The following ZNF292 variants were observed in gnomAD, a reference collection of about 807,000 sequenced individuals.
ZNF292 encodes zinc finger protein 292.
In ZNF292, 26 loss-of-function variants were observed where a neutral mutation model predicts 217.9. That is an observed-to-expected ratio of 0.12 (90% CI 0.09 to 0.17). The LOEUF (loss-of-function observed/expected upper bound fraction) is 0.17, where lower values mean the gene tolerates loss of function less well. Among genes scored for constraint, ZNF292 ranks in the 10% least tolerant of loss-of-function variants. ZNF292 has a pLI of 1.00. For synonymous variants in ZNF292, 1,257 were observed against 1,124.1 expected, an observed-to-expected ratio of 1.12 and a Z score of -2.37; for missense variants, 2,904 against 3,175.2, an observed-to-expected ratio of 0.91 and a Z score of 2.05.
chr6:87,187,411 A>G (rs534294063), intron 1 of ZNF292, among the ~76,000 whole-genome samples: 1 of 128,176 alleles, frequency 7.8e-6, no homozygotes, highest in Non-Finnish European at 1.7e-5. Flanking sequence ...GAATGAACCC[A>G]CTCTGTGGTC....
In ZNF292 at chr6:87,265,010, A is replaced by G. The variant is rs960556943; in HGVS notation, c.*3209A>G. ...AATGTCTAAGGCAGCCTGTTTCAGC[A>G]TGTTTATTGTAGTGAGATACTAGGC... On this transcript the variant is annotated 3_prime_UTR_variant, in exon 8 of 8. Transcript: ENST00000369577. Among the ~76,000 whole-genome samples, 45 of 152,178 alleles carry G rather than the reference A, an allele frequency of 3.0e-4. No homozygotes were observed. The highest frequency in any genetic ancestry group is 1.1e-3 in the African/African-American group (45 of 41,446).
chr6:87,224,624 G>C (rs1242545308), intron 4 of ZNF292, among the ~76,000 whole-genome samples: 1 of 151,998 alleles, frequency 6.6e-6, no homozygotes, highest in Non-Finnish European at 1.5e-5. Context: ...ATTCATCCAG[G>C]GCTTTACGTG....
rs138496006 is a variant in ZNF292 at position 87,243,745 on chromosome 6, G to A, written c.878+134G>A. The stretch of plus-strand genomic sequence containing the variant: ...AAAGGCTTATATTTAGATATTACAT[G>A]CTGTGCAAACTTATTATCGAGTAGT... On this transcript the variant is annotated intron_variant, in intron 6 of 7. Coordinates refer to ENST00000369577, the MANE Select transcript of ZNF292 (RefSeq NM_015021.3). 1,052 of 857,464 alleles carry A rather than the reference G, an allele frequency of 1.2e-3. 5 individuals carry two copies. The African/African-American group carries it at 0.017, about 14-fold the overall frequency. 53.1% of individuals were successfully genotyped at this position (857,464 alleles called of 1,614,324 possible).
At chr6:87,199,615 A>G (rs1772051727) in intron 1 of ZNF292, among the ~76,000 whole-genome samples, 1 of 152,204 alleles carries the variant, frequency 6.6e-6, no homozygotes, top group South Asian at 2.1e-4. Context: ...GGTTTTGTGT[A>G]TGATGCAAGG....
chr6:87,259,048 C>G lies in ZNF292; in HGVS notation c.5419C>G (p.Pro1807Ala). Residue 1807 changes from proline to alanine, a missense_variant, in exon 8 of 8, where the codon CCC becomes GCC. Physicochemically the swap from Pro to Ala is conservative, Grantham distance 27. Around this residue, in one of 15 missense-constraint regions of ZNF292, gnomAD observed 622 missense variants for 573.1 expected, o/e 1.09. Coordinates refer to ENST00000369577, the MANE Select transcript of ZNF292 (RefSeq NM_015021.3). ...SVNTVQNNKL[P>A]DSSPFSSFIS... ...AAACACTGTGCAAAATAACAAATTA[C>G]CCGATTCTTCTCCGTTTTCCTCCTT... is the stretch of plus-strand genomic sequence containing the variant. The G allele has an allele frequency of 6.2e-7, 1 of 1,613,412 alleles. No homozygotes were observed. The highest frequency in any genetic ancestry group is 1.1e-5 in the South Asian group (1 of 91,044).
intron 4 of ZNF292, among the ~76,000 whole-genome samples, chr6:87,219,374 TTAAC>T (rs1471555587): frequency 1.3e-5 from 2 of 152,218 alleles, no homozygotes; most frequent in Non-Finnish European, 2.9e-5. Context: ...CCCAAGGTAT[TTAAC>T]TAAAGAAGTA....
chr6:87,160,069 G>T (rs775665982), intron 1 of ZNF292, among the ~76,000 whole-genome samples: 13 of 152,094 alleles, frequency 8.5e-5, no homozygotes, highest in Non-Finnish European at 1.9e-4. Context: ...CATTTCTATT[G>T]AACATCTACT....
chr6:87,197,697 A>C (rs1169465708), intron 1 of ZNF292, among the ~76,000 whole-genome samples: 1 of 139,260 alleles, frequency 7.2e-6, no homozygotes, highest in East Asian at 2.2e-4. Flanking sequence ...CTCCAGCCTG[A>C]GCAACAGAGT....
At chr6:87,240,224 C>T (rs566664785) in intron 5 of ZNF292, among the ~76,000 whole-genome samples, 9 of 151,440 alleles carry the variant, frequency 5.9e-5, no homozygotes, top group Middle Eastern at 3.4e-3. Context: ...TGGCGGCATG[C>T]GCCTGCAATC....
intron 1 of ZNF292, among the ~76,000 whole-genome samples, chr6:87,168,866 A>T (rs1770999745): frequency 6.6e-6 from 1 of 152,108 alleles, no homozygotes; most frequent in Middle Eastern, 3.2e-3. Context: ...GACCCCCCTT[A>T]GATTCCAAAA....
rs1193695164 is a variant in ZNF292 at position 87,262,653 on chromosome 6, C to G, written c.*852C>G. 6.6e-6 allele frequency: 1 copy of G among 151,690 alleles called. No homozygotes were observed. The highest frequency in any genetic ancestry group is 2.4e-5 in the African/African-American group (1 of 41,310). 9.4% of individuals were successfully genotyped at this position (151,690 alleles called of 1,614,324 possible). A position where few individuals can be genotyped will look rare whatever the true frequency, so the allele number is the denominator to read the frequency against. The stretch of plus-strand genomic sequence containing the variant: ...AATCCTTTGTGAATGTGATAGAAAA[C>G]TAGTAGTGTGGAGCAGTGTAAATAT... On this transcript the variant is annotated 3_prime_UTR_variant, in exon 8 of 8. Coordinates refer to ENST00000369577, the MANE Select transcript of ZNF292 (RefSeq NM_015021.3).
At chr6:87,243,051 G>GTGTC (rs1271385579) in intron 5 of ZNF292, among the ~76,000 whole-genome samples, 2 of 151,802 alleles carry the variant, frequency 1.3e-5, no homozygotes, top group Admixed American at 1.3e-4. Context: ...ACCTCTCTGT[G>GTGTC]TGTCTCTGTT....
intron 1 of ZNF292, among the ~76,000 whole-genome samples, chr6:87,215,644 T>C (rs1399052214): frequency 6.6e-6 from 1 of 152,180 alleles, no homozygotes; most frequent in Non-Finnish European, 1.5e-5. Flanking sequence ...AGGAGATAAC[T>C]CTTGCCCTAT....
At chr6:87,179,554 G>A (rs1343227438) in intron 1 of ZNF292, among the ~76,000 whole-genome samples, 1 of 152,040 alleles carries the variant, frequency 6.6e-6, no homozygotes, top group Admixed American at 6.6e-5. Flanking sequence ...TTTTAATTGG[G>A]TACCTTACCA....
intron 1 of ZNF292, among the ~76,000 whole-genome samples, chr6:87,178,354 G>A (rs1374222506): frequency 6.6e-6 from 1 of 152,168 alleles, no homozygotes; most frequent in Non-Finnish European, 1.5e-5. Context: ...TGGAAGAAAG[G>A]TGAATTTTGT....
At chr6:87,215,779 C>A in intron 1 of ZNF292, 124 bp from the exon 2 acceptor site, 3 of 659,578 alleles carry the variant, frequency 4.5e-6, no homozygotes, top group Non-Finnish European at 7.1e-6. Context: ...TCAATATAAA[C>A]TACTTTTTGT....
chr6:87,188,792 T>C (rs1771737204), intron 1 of ZNF292, among the ~76,000 whole-genome samples: 1 of 151,348 alleles, frequency 6.6e-6, no homozygotes, highest in African/African-American at 2.4e-5. Flanking sequence ...TGAATTAAAC[T>C]GTTTAATAAA....
intron 4 of ZNF292, among the ~76,000 whole-genome samples, chr6:87,219,325 T>G (rs1562149467): frequency 6.6e-6 from 1 of 152,184 alleles, no homozygotes; most frequent in Non-Finnish European, 1.5e-5. Context: ...TTTCTTGAGA[T>G]TATTTAGGAA....
intron 1 of ZNF292, among the ~76,000 whole-genome samples, chr6:87,187,098 G>A (rs933928798): frequency 7.2e-5 from 11 of 152,112 alleles, no homozygotes; most frequent in Non-Finnish European, 5.9e-5. Flanking sequence ...GTGACATTGC[G>A]TTTAATTTCT....
Sources: gnomAD v4.1 joint callset for allele counts (sites outside exome capture counted in the v4.1 genomes callset) on GRCh38, gnomAD v4.1.1 for gene constraint, gnomAD v4.1.1 regional missense constraint, MANE v1.5 for transcripts, NCBI Gene and HGNC (gene_info 2026-07-23, HGNC 2026-07-21) for gene names.